The following UBE4B variants were observed in gnomAD, a reference collection of about 807,000 sequenced individuals.
UBE4B encodes ubiquitination factor E4B.
In UBE4B, 27 loss-of-function variants were observed where a neutral mutation model predicts 148.1. The observed-to-expected ratio is 0.18, with a 90% CI of 0.13 to 0.25. The LOEUF is 0.25. UBE4B is among the 10% of genes least tolerant of loss of function. The pLI, the probability that UBE4B is intolerant of heterozygous loss-of-function variation, is 1.00. For synonymous variants in UBE4B, 596 were observed against 619.3 expected (o/e 0.96, Z 0.56); for missense variants, 1,170 against 1,662.4 (o/e 0.70, Z 5.15).
intron 24 of UBE4B, among the ~76,000 whole-genome samples, chr1:10,169,758 T>C (rs1163094358): frequency 6.6e-6 from 1 of 152,230 alleles, no homozygotes; most frequent in African/African-American, 2.4e-5. Context: ...CTCATGCCTG[T>C]AATCCCAGCA....
chr1:10,135,005 G>A lies in UBE4B; in HGVS notation c.2043G>A (p.Val681=), dbSNP rs749818456. Residue 681 remains valine (V), a synonymous_variant, in exon 16 of 28, where the codon GTG becomes GTA. Coordinates refer to ENST00000343090, the MANE Select transcript of UBE4B (RefSeq NM_001105562.3). ...TTTCACAGACAGATGATAGATTGGTGTCTACAGATGGATTTATGCTGAATT... is the reference window on the plus strand; with the variant it reads ...TTTCACAGACAGATGATAGATTGGTATCTACAGATGGATTTATGCTGAATT... ...KAQMQTDDRL[V]STDGFMLNFL... The A allele has an allele frequency of 1.2e-6, 2 of 1,613,978 alleles. No homozygotes were observed. Among genetic ancestry groups the A allele is most frequent in the Non-Finnish European group, 1.7e-6 (2 of 1,180,012 alleles).
At chr1:10,041,410 CT>C (rs1643758872) in intron 1 of UBE4B, among the ~76,000 whole-genome samples, 1 of 150,806 alleles carries the variant, frequency 6.6e-6, no homozygotes, top group South Asian at 2.1e-4. Flanking sequence ...TCTCGGCTCA[CT>C]GCAACCTCTG....
intron 1 of UBE4B, among the ~76,000 whole-genome samples, chr1:10,047,556 G>GAT: frequency 6.9e-6 from 1 of 144,106 alleles, no homozygotes; most frequent in East Asian, 2.1e-4. Context: ...GTAGTGGCGT[G>GAT]ATCTCGGCTC....
At chr1:10,055,945 A>G (rs76477819) in intron 1 of UBE4B, among the ~76,000 whole-genome samples, 1 of 151,928 alleles carries the variant, frequency 6.6e-6, no homozygotes, top group Non-Finnish European at 1.5e-5. Flanking sequence ...ACAAAACAAA[A>G]CCAGAAGTAG....
intron 2 of UBE4B, among the ~76,000 whole-genome samples, chr1:10,088,470 G>A (rs1176684988): frequency 6.6e-6 from 1 of 151,688 alleles, no homozygotes; most frequent in African/African-American, 2.4e-5. Flanking sequence ...CCGCCTCCCG[G>A]GTTCAAGAAA....
At chr1:10,098,301 GAA>G (rs1198456799) in intron 3 of UBE4B, among the ~76,000 whole-genome samples, 5 of 152,122 alleles carry the variant, frequency 3.3e-5, no homozygotes, top group African/African-American at 1.2e-4. Flanking sequence ...ATGTTAAAAA[GAA>G]AATCCTTATA....
In UBE4B at chr1:10,168,112, C is replaced by G. The variant is rs1646282381; in HGVS notation, c.3199-24C>G. ...CTGATGACCAGGACCGAGCCTTACT[C>G]AGCGTCTGTTCGATGTGTCCTAGGA... is the stretch of plus-strand genomic sequence containing the variant. On this transcript the variant is annotated intron_variant, in intron 23 of 27. Coordinates refer to ENST00000343090, the MANE Select transcript of UBE4B (RefSeq NM_001105562.3). This position sits in a 1 kb window ranked among gnomAD's most constrained non-coding sequence, Gnocchi z 4.9. 6.2e-7 allele frequency: 1 copy of G among 1,606,154 alleles called. No individual in the cohort carries two copies.
chr1:10,159,499 C>T lies in UBE4B; in HGVS notation c.3053+1017C>T, dbSNP rs112945371. On this transcript the variant is annotated intron_variant, in intron 22 of 27. Coordinates refer to ENST00000343090, the MANE Select transcript of UBE4B (RefSeq NM_001105562.3). Reference sequence around the variant, plus strand: ...CATCCTGGCTAACATGGTGAAACCCCGTCTCTACTAAAAATACCAAAAAAT... The same window carrying T: ...CATCCTGGCTAACATGGTGAAACCCTGTCTCTACTAAAAATACCAAAAAAT... Among the ~76,000 whole-genome samples, 1,030 of 152,252 alleles carry T rather than the reference C, an allele frequency of 6.8e-3. 17 individuals are homozygous for T. The highest frequency in any genetic ancestry group is 0.024 in the African/African-American group (992 of 41,548).
intron 25 of UBE4B, among the ~76,000 whole-genome samples, chr1:10,172,007 T>C (rs984003410): frequency 6.6e-6 from 1 of 152,224 alleles, no homozygotes; most frequent in Non-Finnish European, 1.5e-5. Flanking sequence ...ATCCATTACA[T>C]TTCTGAAAAG....
At chr1:10,091,219 T>C (rs1221386434) in intron 2 of UBE4B, among the ~76,000 whole-genome samples, 1 of 152,160 alleles carries the variant, frequency 6.6e-6, no homozygotes, top group African/African-American at 2.4e-5. Flanking sequence ...ATATCTGGCT[T>C]TGTGAAGATG....
At chr1:10,035,497 C>T (rs867088627) in intron 1 of UBE4B, among the ~76,000 whole-genome samples, 4 of 142,538 alleles carry the variant, frequency 2.8e-5, no homozygotes, top group Admixed American at 1.5e-4. Context: ...CCCGGGTTCA[C>T]GCCATTCTCC....
intron 2 of UBE4B, among the ~76,000 whole-genome samples, chr1:10,074,878 G>A (rs1374508943): frequency 6.6e-6 from 1 of 152,116 alleles, no homozygotes; most frequent in East Asian, 1.9e-4. Context: ...TGATTCCTAA[G>A]CTTTTATCTC....
chr1:10,158,842 C>G (rs557629326), intron 22 of UBE4B, among the ~76,000 whole-genome samples: 45 of 152,128 alleles, frequency 3.0e-4, no homozygotes, highest in African/African-American at 1.0e-3. Context: ...AACCCCATCT[C>G]TATTAAAAAT....
chr1:10,175,473 A>G (rs1041062693), intron 25 of UBE4B, among the ~76,000 whole-genome samples: 2 of 149,228 alleles, frequency 1.3e-5, no homozygotes, highest in African/African-American at 2.5e-5. Flanking sequence ...AACACGGTGA[A>G]ACCCCATCTC....
intron 1 of UBE4B, among the ~76,000 whole-genome samples, chr1:10,062,532 C>G (rs1240374773): frequency 7.2e-6 from 1 of 138,554 alleles, no homozygotes; most frequent in South Asian, 2.5e-4. Flanking sequence ...AGGCTGGTCT[C>G]GAACTCCTGA....
chr1:10,171,690 G>A (rs1646341724), intron 25 of UBE4B, among the ~76,000 whole-genome samples: 1 of 152,200 alleles, frequency 6.6e-6, no homozygotes, highest in South Asian at 2.1e-4. Flanking sequence ...GACCAGCCTG[G>A]CTAACATGGT....
In UBE4B at chr1:10,066,113, C is replaced by G. The variant is rs1447328620; in HGVS notation, c.25-5915C>G. Among the ~76,000 whole-genome samples the G allele has an allele frequency of 2.7e-5, 4 of 149,436 alleles. No homozygotes were observed. In the East Asian group the frequency reaches 7.9e-4, roughly 30 times the overall value. ...CCTCCCTCCCTTTGTACCTCCCTCC[C>G]TCTCTCCCTTCCTACCTTCCTTCCC... On this transcript the variant is annotated intron_variant, in intron 1 of 27. Transcript: ENST00000343090.
chr1:10,042,656 G>GAAAC (rs565222765), intron 1 of UBE4B, among the ~76,000 whole-genome samples: 2 of 152,104 alleles, frequency 1.3e-5, no homozygotes, highest in Non-Finnish European at 2.9e-5. Flanking sequence ...CAAAAGCAAA[G>GAAAC]AAACAAACAA....
intron 21 of UBE4B, among the ~76,000 whole-genome samples, chr1:10,154,557 G>GC (rs1291494384): frequency 1.3e-5 from 2 of 152,182 alleles, no homozygotes; most frequent in African/African-American, 4.8e-5. Context: ...AAAACAACTG[G>GC]CCGGGCTCAG....
Sources: allele counts gnomAD v4.1 joint callset (sites outside exome capture counted in the v4.1 genomes callset), GRCh38; gene constraint gnomAD v4.1.1; non-coding constraint Gnocchi (gnomAD v3.1); transcripts MANE v1.5; gene names NCBI Gene and HGNC (gene_info 2026-07-23, HGNC 2026-07-21).